The following PKP4 variants were observed in gnomAD, a reference collection of about 807,000 sequenced individuals.
The protein encoded by PKP4 is plakophilin 4, also known as plakophilin-4.
PKP4 carries 90 observed loss-of-function variants against 145.1 expected under a neutral mutation model. The ratio of observed to expected loss-of-function variants is 0.62; its 90% CI spans 0.52 to 0.74. The LOEUF (loss-of-function observed/expected upper bound fraction) is 0.74. Among genes scored for constraint, PKP4 ranks in the 30% least tolerant of loss-of-function variants. The pLI, the probability that PKP4 is intolerant of heterozygous loss-of-function variation, is 0.00. For missense variants in PKP4, 1,340 were observed against 1,482.7 expected (o/e 0.90, Z 1.58); for synonymous variants, 563 against 577.2 (o/e 0.98, Z 0.35).
At chr2:158,529,094 A>G (rs2043273308) in intron 1 of PKP4, among the ~76,000 whole-genome samples, 1 of 152,198 alleles carries the variant, frequency 6.6e-6, no homozygotes, top group African/African-American at 2.4e-5. Flanking sequence ...ATCTCTCATC[A>G]TGGGAGTGTG....
chr2:158,653,294 T>A (rs895616516), intron 11 of PKP4, among the ~76,000 whole-genome samples: 1 of 152,248 alleles, frequency 6.6e-6, no homozygotes, highest in Non-Finnish European at 1.5e-5. Context: ...TAGTTGCTAT[T>A]ATTTTAATTA....
chr2:158,615,352 C>A (rs1391501771), intron 4 of PKP4, among the ~76,000 whole-genome samples: 3 of 152,004 alleles, frequency 2.0e-5, no homozygotes, highest in South Asian at 4.1e-4. Context: ...AAGCAAGAGC[C>A]CCTCAGCCAT....
intron 11 of PKP4, among the ~76,000 whole-genome samples, chr2:158,647,987 C>T (rs749964801): frequency 1.3e-5 from 2 of 152,150 alleles, no homozygotes; most frequent in Non-Finnish European, 2.9e-5. Flanking sequence ...TATTGAGCCT[C>T]CTGAAAACAT....
intron 2 of PKP4, among the ~76,000 whole-genome samples, chr2:158,576,549 A>G (rs2047870529): frequency 6.6e-6 from 1 of 152,238 alleles, no homozygotes; most frequent in Admixed American, 6.5e-5. Context: ...TAAAGTTAAA[A>G]CATTCTCTCC....
intron 2 of PKP4, among the ~76,000 whole-genome samples, chr2:158,565,178 A>G (rs10933491): frequency 0.53 from 80,454 of 151,942 alleles, 21,843 homozygotes; most frequent in East Asian, 0.79. Context: ...TAGAGTGCCC[A>G]ACCCACAGAT....
At chr2:158,507,289 C>T (rs1208980144) in intron 1 of PKP4, among the ~76,000 whole-genome samples, 1 of 152,172 alleles carries the variant, frequency 6.6e-6, no homozygotes, top group Non-Finnish European at 1.5e-5. Context: ...TGACTCACCA[C>T]TGTGAAGGTA....
At chr2:158,560,308 A>G (rs936102209) in intron 2 of PKP4, among the ~76,000 whole-genome samples, 2 of 152,220 alleles carry the variant, frequency 1.3e-5, no homozygotes, top group Non-Finnish European at 2.9e-5. Context: ...TGTAGCAAAA[A>G]GGAACCACTA....
intron 1 of PKP4, among the ~76,000 whole-genome samples, chr2:158,459,755 A>G (rs1344749093): frequency 1.3e-5 from 2 of 151,844 alleles, no homozygotes; most frequent in Non-Finnish European, 2.9e-5. Flanking sequence ...TCCCTGCCGC[A>G]TTAGAAATTG....
At chr2:158,645,999 T>C (rs916899442) in intron 11 of PKP4, among the ~76,000 whole-genome samples, 1 of 152,180 alleles carries the variant, frequency 6.6e-6, no homozygotes, top group Non-Finnish European at 1.5e-5. Context: ...CCTTATTTTA[T>C]AGAGAACATA....
intron 20 of PKP4, 179 bp downstream of exon 20, chr2:158,677,046 A>AAAAC: frequency 5.5e-6 from 4 of 723,200 alleles, no homozygotes; most frequent in South Asian, 4.5e-5. Context: ...TGTTTAAAGT[A>AAAAC]AAACAAGCAT....
chr2:158,473,170 G>A (rs2105408922), intron 1 of PKP4, among the ~76,000 whole-genome samples: 1 of 152,324 alleles, frequency 6.6e-6, no homozygotes, highest in South Asian at 2.1e-4. Context: ...AGATGCTGGT[G>A]AGGTTGCAGA....
chr2:158,533,136 G>A, intron 1 of PKP4, 44 bp from the exon 2 acceptor site: 2 of 1,548,124 alleles, frequency 1.3e-6, no homozygotes, highest in Non-Finnish European at 8.7e-7. Flanking sequence ...TTCCTGCAAG[G>A]GAGCCCAGAA....
chr2:158,540,249 G>C (rs539332602), intron 2 of PKP4, among the ~76,000 whole-genome samples: 1 of 152,258 alleles, frequency 6.6e-6, no homozygotes, highest in South Asian at 2.1e-4. Context: ...ACACTGAGGG[G>C]TTTGTTTGAA....
At chr2:158,520,269 C>G (rs577008037) in intron 1 of PKP4, among the ~76,000 whole-genome samples, 1 of 152,066 alleles carries the variant, frequency 6.6e-6, no homozygotes, top group South Asian at 2.1e-4. Flanking sequence ...ATATGTTAAC[C>G]GTGTGTTTTA....
At chr2:158,533,952 T>C (rs1226180279) in intron 2 of PKP4, among the ~76,000 whole-genome samples, 1 of 152,206 alleles carries the variant, frequency 6.6e-6, no homozygotes, top group East Asian at 1.9e-4. Flanking sequence ...AATTTTAATT[T>C]CTTAAGATTT....
chr2:158,491,181 T>C, intron 1 of PKP4, among the ~76,000 whole-genome samples: 1 of 152,130 alleles, frequency 6.6e-6, no homozygotes, highest in East Asian at 1.9e-4. Context: ...TCTGTGATGG[T>C]TATTTAGATT....
chr2:158,677,724 T>G (rs2058129812), intron 20 of PKP4, among the ~76,000 whole-genome samples: 1 of 152,184 alleles, frequency 6.6e-6, no homozygotes, highest in Admixed American at 6.5e-5. Flanking sequence ...CTATGGCAAT[T>G]AATAGCTCAG....
At chr2:158,637,829 A>T (rs2053939685) in intron 9 of PKP4, among the ~76,000 whole-genome samples, 1 of 152,218 alleles carries the variant, frequency 6.6e-6, no homozygotes, top group African/African-American at 2.4e-5. Context: ...ACTGAAGCAA[A>T]TCCTGGCAGG....
chr2:158,585,038 C>T (rs558817898), intron 3 of PKP4, among the ~76,000 whole-genome samples: 1 of 152,106 alleles, frequency 6.6e-6, no homozygotes, highest in South Asian at 2.1e-4. Context: ...AAAAATTGGG[C>T]CTTTTAATAA....
Sources: allele counts gnomAD v4.1 joint callset (sites outside exome capture counted in the v4.1 genomes callset), GRCh38; gene constraint gnomAD v4.1.1; transcripts MANE v1.5; gene names NCBI Gene and HGNC (gene_info 2026-07-23, HGNC 2026-07-21).